RGS3: variants seen among roughly 807,000 people sequenced by gnomAD.
RGS3 encodes the protein regulator of G protein signaling 3.
RGS3 carries 80 observed loss-of-function variants against 132.6 expected under a neutral mutation model. That is an observed-to-expected ratio of 0.60 (90% CI 0.50 to 0.73). The LOEUF is 0.73. Ranked by LOEUF, RGS3 falls within the 30% of genes least tolerant of loss-of-function variation. The pLI, the probability that RGS3 is intolerant of heterozygous loss-of-function variation, is 0.00. For missense variants in RGS3, 1,382 were observed against 1,530.8 expected (o/e 0.90, Z 1.62); for synonymous variants, 598 against 620.6 (o/e 0.96, Z 0.54).
chr9:113,536,616 C>T (rs1164450974), intron 18 of RGS3, 180 bp from the exon 17 acceptor site: 26 of 1,448,730 alleles, frequency 1.8e-5, no homozygotes, highest in Non-Finnish European at 2.3e-5. Context: ...AACCCACTTC[C>T]CTGCGCCTCT....
In RGS3 at chr9:113,536,932, C is replaced by T. The variant is rs1267955268; in HGVS notation, c.2037+14C>T. 2 of 1,612,530 alleles carry T rather than the reference C, an allele frequency of 1.2e-6. No individual in the cohort carries two copies. The highest frequency in any genetic ancestry group is 2.2e-5 in the South Asian group (2 of 91,044). ...CCGGACAGCAAGGTAAGGGCCTTGA[C>T]AGTGGCTGTGGCCTGGCTGCCTCGT... On this transcript the variant is annotated intron_variant, in intron 19 of 24. Coordinates refer to ENST00000350696, the Ensembl canonical transcript of RGS3.
rs1829519484 is a variant in RGS3, at chr9:113,463,309, C to T, written c.415+1108C>T. Among the ~76,000 whole-genome samples, 1 of 152,212 alleles carries T rather than the reference C, an allele frequency of 6.6e-6. No individual in the cohort carries two copies. Among genetic ancestry groups the T allele is most frequent in the Non-Finnish European group, 1.5e-5 (1 of 68,026 alleles). On this transcript the variant is annotated intron_variant, in intron 3 of 24. Coordinates refer to ENST00000350696, the Ensembl canonical transcript of RGS3. The surrounding 1 kb of genome is among the most constrained non-coding windows in gnomAD (Gnocchi z 4.6). ...GAACACTTTTCCAAACCTCACTGCCCTGGGCCATCGGGTGCTCCTTTGCCT... is the reference window on the plus strand; with the variant it reads ...GAACACTTTTCCAAACCTCACTGCCTTGGGCCATCGGGTGCTCCTTTGCCT...
chr9:113,514,496 C>T, exon 15 of RGS3: 1 of 1,614,188 alleles, frequency 6.2e-7, no homozygotes, highest in Non-Finnish European at 8.5e-7. Flanking sequence ...CTACACAGGC[C>T]TGGGGAAGAA....
chr9:113,508,605 C>T (rs781107719), intron 14 of RGS3, 25 bp downstream of exon 12: 7 of 1,610,068 alleles, frequency 4.3e-6, no homozygotes, highest in Non-Finnish European at 1.7e-6. Flanking sequence ...GCTGCTGTGC[C>T]CTCCTAGCTC....
In RGS3 at chr9:113,495,297, C is replaced by G. The variant is rs114077677; in HGVS notation, c.690-489C>G. ...GGTGGCCAGGTCAGATTGGTCTCAG[C>G]AGCTTTTGTGTCAGGTTGGTTTGGA... On this transcript the variant is annotated intron_variant, in intron 7 of 24. Coordinates refer to ENST00000350696, the Ensembl canonical transcript of RGS3. Among the ~76,000 whole-genome samples the G allele has an allele frequency of 1.6e-3, 250 of 152,344 alleles. 2 individuals are homozygous for G. The highest frequency in any genetic ancestry group is 5.5e-3 in the African/African-American group (230 of 41,580).
chr9:113,594,309 G>A, intron 21 of RGS3, 121 bp from the exon 20 acceptor site: 1 of 1,593,524 alleles, frequency 6.3e-7, no homozygotes, highest in Non-Finnish European at 8.6e-7. Context: ...CTCGCAACGG[G>A]AACCTGCAGA....
At chr9:113,583,596 C>G in exon 20 of RGS3, 1 of 1,614,154 alleles carries the variant, frequency 6.2e-7, no homozygotes, top group Non-Finnish European at 8.5e-7. Context: ...ACAAGGACTC[C>G]CCTTCTGGGC....
intron 15 of RGS3, among the ~76,000 whole-genome samples, chr9:113,517,117 A>T (rs1250571938): frequency 6.6e-6 from 1 of 151,920 alleles, no homozygotes; most frequent in Non-Finnish European, 1.5e-5. Flanking sequence ...GACTCAAGTG[A>T]CCAAATCTCT....
At chr9:113,594,385 G>A (rs569845040) in intron 21 of RGS3, 45 bp from the exon 20 acceptor site, 10 of 1,607,242 alleles carry the variant, frequency 6.2e-6, no homozygotes, top group Admixed American at 5.0e-5. Context: ...TTGCAGGGGC[G>A]AGTGGGCCAG....
intron 24 of RGS3, among the ~76,000 whole-genome samples, chr9:113,596,564 C>T (rs1329469106): frequency 6.6e-6 from 1 of 152,202 alleles, no homozygotes; most frequent in Non-Finnish European, 1.5e-5. Flanking sequence ...TATTTTCAGC[C>T]TTATAAATGC....
chr9:113,581,369 C>A (rs1834797922), intron 19 of RGS3: 1 of 152,218 alleles, frequency 6.6e-6, no homozygotes, highest in Non-Finnish European at 1.5e-5. Flanking sequence ...TGAAGCACAG[C>A]CCTTAGTTTC....
At chr9:113,530,911 A>G (rs1216798916) in intron 18 of RGS3, among the ~76,000 whole-genome samples, 1 of 152,180 alleles carries the variant, frequency 6.6e-6, no homozygotes, top group African/African-American at 2.4e-5. Context: ...CACTCTTAAC[A>G]TGGGTGGTTT....
At position 113,574,276 on chromosome 9, in the gene RGS3, C is replaced by T. The variant is rs557096363; in HGVS notation, c.2038-9174C>T. 3.9e-5 allele frequency among the ~76,000 whole-genome samples: 6 copies of T among 152,352 alleles called. No individual in the cohort carries two copies. The South Asian group carries it at 1.2e-3, about 32-fold the overall frequency. ...ATGCTCCTGCCTCATCCAACCACCT[C>T]CACTTCCTTGAATGTTCCCTGCTGG... On this transcript the variant is annotated intron_variant, in intron 19 of 24. Transcript: ENST00000350696.
intron 19 of RGS3, chr9:113,541,514 C>A: frequency 6.4e-7 from 1 of 1,552,318 alleles, no homozygotes; most frequent in Non-Finnish European, 8.7e-7. Flanking sequence ...CTCAACTGGA[C>A]CTGAAACAGA....
rs201939227 is a variant in RGS3, at chr9:113,584,319, C to T, written c.2907C>T (p.Gly969=). ...CCTTGCACTGCTCAGACGGTGAGGG[C>T]GCCGCCTCCACCTGGGGCATGCCTT... The change falls in exon 20 of 25, where the codon GGC becomes GGT. Residue 969 remains glycine, a synonymous_variant. Coordinates refer to ENST00000350696, the Ensembl canonical transcript of RGS3. 8 of 1,602,486 alleles carry T rather than the reference C, an allele frequency of 5.0e-6. No individual in the cohort carries two copies. The East Asian group carries it at 6.7e-5, about 13-fold the overall frequency.
chr9:113,567,650 C>T (rs914021684), intron 19 of RGS3, among the ~76,000 whole-genome samples: 1 of 152,184 alleles, frequency 6.6e-6, no homozygotes, highest in African/African-American at 2.4e-5. Flanking sequence ...TTGGCTTCAT[C>T]CTGGCGGAGA....
upstream of RGS3, among the ~76,000 whole-genome samples, chr9:113,457,506 G>A (rs1279099444): frequency 6.6e-6 from 1 of 152,148 alleles, no homozygotes; most frequent in Non-Finnish European, 1.5e-5. Flanking sequence ...AGCTCCATAG[G>A]TGCTTAGCAA....
intron 19 of RGS3, among the ~76,000 whole-genome samples, chr9:113,572,462 T>G (rs1834332834): frequency 6.6e-6 from 1 of 152,064 alleles, no homozygotes; most frequent in Admixed American, 6.5e-5. Context: ...GGTTGTGGCT[T>G]AGTCTCATGT....
chr9:113,466,942 G>C (rs1829662635), intron 3 of RGS3, among the ~76,000 whole-genome samples: 2 of 151,648 alleles, frequency 1.3e-5, no homozygotes, highest in African/African-American at 4.8e-5. Context: ...AGATTTGCCT[G>C]TTCTGGACAT....
Sources: gnomAD v4.1 joint callset for allele counts (sites outside exome capture counted in the v4.1 genomes callset) on GRCh38, gnomAD v4.1.1 for gene constraint, Gnocchi (gnomAD v3.1) non-coding constraint, MANE v1.5 for transcripts, NCBI Gene and HGNC (gene_info 2026-07-23, HGNC 2026-07-21) for gene names.